Variants in EPHB1 observed in about 807,000 individuals in gnomAD.
EPHB1 encodes EPH receptor B1.
EPHB1 carries 30 observed loss-of-function variants against 94.4 expected under a neutral mutation model. That is an observed-to-expected ratio of 0.32 (90% confidence interval 0.24 to 0.43). The LOEUF is 0.43. EPHB1 is among the 20% of genes least tolerant of loss of function. The pLI is 1.00. For missense variants in EPHB1, 1,055 were observed against 1,308.3 expected, an observed-to-expected ratio of 0.81 and a Z score of 2.99; for synonymous variants, 522 against 489.1, an observed-to-expected ratio of 1.07 and a Z score of -0.89.
intron 1 of EPHB1, among the ~76,000 whole-genome samples, chr3:134,910,351 C>T (rs977813548): frequency 5.3e-5 from 8 of 152,184 alleles, no homozygotes; most frequent in Admixed American, 3.3e-4. Flanking sequence ...AACCAGGACA[C>T]CTCGAAGGCC....
intron 3 of EPHB1, among the ~76,000 whole-genome samples, 167 bp downstream of exon 3, chr3:134,952,219 A>T (rs1233388472): frequency 1.3e-5 from 2 of 152,238 alleles, no homozygotes; most frequent in East Asian, 1.9e-4. Flanking sequence ...TTTTCCAATC[A>T]TGTCCAACCA....
At chr3:135,026,409 T>A (rs907166103) in intron 3 of EPHB1, among the ~76,000 whole-genome samples, 9 of 149,956 alleles carry the variant, frequency 6.0e-5, no homozygotes, top group African/African-American at 2.2e-4. Context: ...AAGGAAGGGA[T>A]CCAGTTTCAG....
At chr3:135,146,378 A>G (rs893925991) in intron 5 of EPHB1, among the ~76,000 whole-genome samples, 1 of 152,242 alleles carries the variant, frequency 6.6e-6, no homozygotes, top group Non-Finnish European at 1.5e-5. Flanking sequence ...TTAGAGGTGG[A>G]CAAGAGAGTT....
At position 135,259,309 on chromosome 3, in the gene EPHB1, G is replaced by C. The variant is rs1933549859; in HGVS notation, c.*189G>C. On this transcript the variant is annotated 3_prime_UTR_variant, in exon 16 of 16. Coordinates refer to ENST00000398015, the MANE Select transcript of EPHB1 (RefSeq NM_004441.5). ...ATTTCTCAGTGACAGAAGCATGTTT[G>C]AGATGCCGTGGGAAACCAAATATAT... 1 of 470,820 alleles carries C rather than the reference G, an allele frequency of 2.1e-6. No homozygotes were observed. Among genetic ancestry groups the C allele is most frequent in the South Asian group, 3.9e-5 (1 of 25,858 alleles). The allele number at this position is 470,820 out of a possible 1,614,324, so 29.2% of individuals were successfully genotyped here. A position where few individuals can be genotyped will look rare whatever the true frequency, so the allele number is the denominator to read the frequency against.
chr3:135,003,322 G>C (rs1371841910), intron 3 of EPHB1, among the ~76,000 whole-genome samples: 1 of 152,202 alleles, frequency 6.6e-6, no homozygotes, highest in South Asian at 2.1e-4. Context: ...TGGTCTGAGA[G>C]ATAGTTTGTT....
At chr3:135,022,983 T>C (rs1385799546) in intron 3 of EPHB1, among the ~76,000 whole-genome samples, 1 of 152,236 alleles carries the variant, frequency 6.6e-6, no homozygotes, top group Admixed American at 6.5e-5. Flanking sequence ...GTAGAAAATG[T>C]CTGGCCACAA....
intron 1 of EPHB1, among the ~76,000 whole-genome samples, 164 bp from the exon 2 acceptor site, chr3:134,925,652 T>C (rs2107702064): frequency 6.6e-6 from 1 of 152,322 alleles, no homozygotes; most frequent in Middle Eastern, 3.4e-3. Flanking sequence ...TTTTGCTATC[T>C]GAGCCTTGGG....
At chr3:134,817,621 A>G (rs2036295700) in intron 1 of EPHB1, among the ~76,000 whole-genome samples, 1 of 152,222 alleles carries the variant, frequency 6.6e-6, no homozygotes, top group African/African-American at 2.4e-5. Flanking sequence ...CTGAAGTTTC[A>G]TTCTCAGTTT....
At chr3:135,249,024 G>A (rs1051208211) in intron 14 of EPHB1, among the ~76,000 whole-genome samples, 4 of 152,132 alleles carry the variant, frequency 2.6e-5, no homozygotes, top group Non-Finnish European at 5.9e-5. Context: ...TTTGAATGGT[G>A]AGGCTCCTAA....
intron 1 of EPHB1, among the ~76,000 whole-genome samples, chr3:134,897,585 C>T (rs907913645): frequency 1.9e-4 from 29 of 152,180 alleles, no homozygotes; most frequent in Non-Finnish European, 3.4e-4. Context: ...GGTGGCATTT[C>T]CTCTGGGCAG....
At chr3:134,811,173 GAGTTCTTGC>G (rs1277834252) in intron 1 of EPHB1, among the ~76,000 whole-genome samples, 2 of 148,782 alleles carry the variant, frequency 1.3e-5, no homozygotes, top group Non-Finnish European at 3.0e-5. Flanking sequence ...CACTATCACA[GAGTTCTTGC>G]AGCTAAACCA....
At chr3:134,821,506 G>A (rs1422866548) in intron 1 of EPHB1, among the ~76,000 whole-genome samples, 3 of 151,948 alleles carry the variant, frequency 2.0e-5, no homozygotes, top group Non-Finnish European at 4.4e-5. Flanking sequence ...AAAAAGTTAG[G>A]GTAAAGATAA....
chr3:135,243,678 GT>G (rs1293820992), intron 13 of EPHB1, among the ~76,000 whole-genome samples: 4 of 152,172 alleles, frequency 2.6e-5, no homozygotes, highest in Admixed American at 1.3e-4. Flanking sequence ...GTTGGTGGTG[GT>G]AAAGGATTTT....
At chr3:135,212,027 A>AT (rs1196717787) in intron 12 of EPHB1, among the ~76,000 whole-genome samples, 1 of 151,744 alleles carries the variant, frequency 6.6e-6, no homozygotes, top group East Asian at 1.9e-4. Flanking sequence ...ATTTTCCCTG[A>AT]TTTTTTCTTC....
At chr3:135,198,179 G>A (rs545983666) in intron 11 of EPHB1, among the ~76,000 whole-genome samples, 12 of 152,246 alleles carry the variant, frequency 7.9e-5, no homozygotes, top group South Asian at 6.2e-4. Flanking sequence ...TCCACACAGC[G>A]TTTGAGGCCA....
At chr3:135,168,784 G>A (rs866725141) in intron 9 of EPHB1, among the ~76,000 whole-genome samples, 9 of 152,190 alleles carry the variant, frequency 5.9e-5, no homozygotes, top group African/African-American at 1.7e-4. Context: ...GAATGCTGTG[G>A]ATGAAACATT....
At chr3:134,992,644 C>T (rs943741287) in intron 3 of EPHB1, among the ~76,000 whole-genome samples, 3 of 152,122 alleles carry the variant, frequency 2.0e-5, no homozygotes, top group Non-Finnish European at 2.9e-5. Flanking sequence ...CCCTGGGGCT[C>T]ACAGCCTTCA....
intron 10 of EPHB1, among the ~76,000 whole-genome samples, chr3:135,188,039 A>G (rs1159276847): frequency 3.3e-5 from 5 of 151,974 alleles, no homozygotes; most frequent in Non-Finnish European, 5.9e-5. Context: ...TCTCTACTAA[A>G]AATAAAAAAA....
intron 3 of EPHB1, among the ~76,000 whole-genome samples, chr3:134,994,985 C>CG (rs1934940062): frequency 2.1e-5 from 2 of 95,942 alleles, no homozygotes; most frequent in Admixed American, 9.6e-5. Flanking sequence ...TTTACATACA[C>CG]TTGTGTGTGT....
Sources: gnomAD v4.1 joint callset for allele counts (sites outside exome capture counted in the v4.1 genomes callset) on GRCh38, gnomAD v4.1.1 for gene constraint, MANE v1.5 for transcripts, NCBI Gene and HGNC (gene_info 2026-07-23, HGNC 2026-07-21) for gene names.